Variants in NRXN1 observed in about 807,000 individuals in gnomAD.
The protein encoded by NRXN1 is neurexin-1.
In NRXN1, 39 loss-of-function variants were observed where a neutral mutation model predicts 150.9. The observed-to-expected ratio is 0.26, with a 90% CI of 0.20 to 0.34. NRXN1 has a LOEUF of 0.34. Among genes scored for constraint, NRXN1 ranks in the 10% least tolerant of loss-of-function variants. NRXN1 has a pLI of 1.00. For synonymous variants in NRXN1, 924 were observed against 757.0 expected (o/e 1.22, Z -3.62); for missense variants, 1,815 against 1,949.9 (o/e 0.93, Z 1.30).
chr2:50,042,693 C>A (rs1217344326), intron 21 of NRXN1, among the ~76,000 whole-genome samples: 1 of 316 alleles, frequency 3.2e-3, no homozygotes, highest in Non-Finnish European at 6.7e-3. Flanking sequence ...AGCATACACA[C>A]ATTAAGACAA....
intron 5 of NRXN1, among the ~76,000 whole-genome samples, chr2:50,750,550 C>T (rs891532845): frequency 6.6e-6 from 1 of 151,860 alleles, no homozygotes; most frequent in African/African-American, 2.4e-5. Context: ...ATGTAACAAA[C>T]CTGCATGTTG....
chr2:50,025,879 C>A (rs1437197077), intron 21 of NRXN1, among the ~76,000 whole-genome samples: 2 of 152,278 alleles, frequency 1.3e-5, no homozygotes, highest in African/African-American at 2.4e-5. Flanking sequence ...AGTCTTACTC[C>A]CCAATTAATT....
intron 17 of NRXN1, among the ~76,000 whole-genome samples, chr2:50,265,473 G>C (rs1333678688): frequency 6.6e-6 from 1 of 152,114 alleles, no homozygotes; most frequent in African/African-American, 2.4e-5. Context: ...TCCAACAAAA[G>C]TGCTACTGTG....
intron 12 of NRXN1, among the ~76,000 whole-genome samples, chr2:50,527,264 T>G (rs1245805708): frequency 6.6e-6 from 1 of 152,118 alleles, no homozygotes; most frequent in African/African-American, 2.4e-5. Context: ...ATTTTGTGAG[T>G]TGCCACTTTG....
intron 17 of NRXN1, among the ~76,000 whole-genome samples, chr2:50,242,125 C>A (rs2066055815): frequency 6.6e-6 from 1 of 151,728 alleles, no homozygotes; most frequent in African/African-American, 2.4e-5. Context: ...AGGAATATAA[C>A]ACTTCCTTCA....
chr2:50,219,993 A>ATAAT (rs1236547585), intron 18 of NRXN1, among the ~76,000 whole-genome samples: 15 of 34,158 alleles, frequency 4.4e-4, no homozygotes, highest in Admixed American at 1.1e-3. Flanking sequence ...TATTATATAT[A>ATAAT]ATATATATTA....
At chr2:50,436,503 T>G (rs1056087702) in intron 17 of NRXN1, among the ~76,000 whole-genome samples, 1 of 152,208 alleles carries the variant, frequency 6.6e-6, no homozygotes, top group Admixed American at 6.5e-5. Flanking sequence ...ATTTACTGCT[T>G]TAAAAATGAT....
At chr2:50,701,629 A>T (rs1448273265) in intron 5 of NRXN1, among the ~76,000 whole-genome samples, 4 of 152,122 alleles carry the variant, frequency 2.6e-5, no homozygotes. Flanking sequence ...TCCCCATCAC[A>T]AGGGACTGAA....
chr2:50,320,747 T>C (rs1424429738), intron 17 of NRXN1, among the ~76,000 whole-genome samples: 2 of 152,032 alleles, frequency 1.3e-5, no homozygotes, highest in Non-Finnish European at 2.9e-5. Context: ...CCGTGAGGTA[T>C]GGAGGGGGCT....
chr2:50,705,769 C>T (rs1694345203), intron 5 of NRXN1, among the ~76,000 whole-genome samples: 3 of 152,236 alleles, frequency 2.0e-5, no homozygotes, highest in African/African-American at 4.8e-5. Context: ...CCAGAGACAC[C>T]GCTGATGAGC....
At position 50,379,173 on chromosome 2, in the gene NRXN1, T is replaced by C. The variant is rs571684901; in HGVS notation, c.3364+86269A>G. ...AAAGGCATTATTCAGAGGAAGAAGATAAAAGAGATGAACAGAGACTGGACT... is the reference window on the plus strand; with the variant it reads ...AAAGGCATTATTCAGAGGAAGAAGACAAAAGAGATGAACAGAGACTGGACT... On this transcript the variant is annotated intron_variant, in intron 17 of 22. Transcript: ENST00000401669. 9.2e-5 allele frequency among the ~76,000 whole-genome samples: 14 copies of C among 152,044 alleles called. No homozygotes were observed. In the East Asian group the frequency reaches 2.7e-3, roughly 29 times the overall value.
chr2:50,831,097 C>A (rs534019535), intron 5 of NRXN1, among the ~76,000 whole-genome samples: 2 of 152,196 alleles, frequency 1.3e-5, no homozygotes, highest in East Asian at 3.9e-4. Flanking sequence ...TACAAACAAT[C>A]CAATTATACT....
At chr2:50,611,350 G>C (rs1287201351) in intron 8 of NRXN1, among the ~76,000 whole-genome samples, 1 of 152,056 alleles carries the variant, frequency 6.6e-6, no homozygotes, top group Non-Finnish European at 1.5e-5. Context: ...CAGGCTATGG[G>C]GCATCTGCTG....
At chr2:50,407,290 AC>A (rs1301402038) in intron 17 of NRXN1, among the ~76,000 whole-genome samples, 2 of 152,046 alleles carry the variant, frequency 1.3e-5, no homozygotes, top group Non-Finnish European at 2.9e-5. Flanking sequence ...TTTATAAACT[AC>A]CCTTCTTTGG....
chr2:50,237,821 G>A (rs2152880876), intron 17 of NRXN1, among the ~76,000 whole-genome samples: 1 of 152,072 alleles, frequency 6.6e-6, no homozygotes, highest in South Asian at 2.1e-4. Context: ...CATCTGAAAT[G>A]GTAAACCCCA....
chr2:50,472,498 C>T, intron 15 of NRXN1, 27 bp from the exon 16 acceptor site: 1 of 1,588,708 alleles, frequency 6.3e-7, no homozygotes, highest in Non-Finnish European at 8.6e-7. Flanking sequence ...GTCTTTGTTA[C>T]AAAAGTACCA....
intron 17 of NRXN1, among the ~76,000 whole-genome samples, chr2:50,424,160 G>A (rs1456076314): frequency 4.9e-5 from 4 of 81,578 alleles, no homozygotes; most frequent in Non-Finnish European, 7.1e-5. Context: ...AGGAGGAAGG[G>A]GAGGAGGAGG....
At position 50,346,829 on chromosome 2, in the gene NRXN1, G is replaced by A; in HGVS notation, c.3365-109859C>T. 6.2e-7 allele frequency: 1 copy of A among 1,611,288 alleles called. No individual in the cohort carries two copies. The highest frequency in any genetic ancestry group is 8.5e-7 in the Non-Finnish European group (1 of 1,179,272). ...CACGCCACTCCTAGGAGGCCGCTGA[G>A]GGTGAGCGGGACTATCCAAAGCAGG... On this transcript the variant is annotated intron_variant, in intron 17 of 22. Transcript: ENST00000401669. This position sits in a 1 kb window ranked among gnomAD's most constrained non-coding sequence, Gnocchi z 5.0.
At chr2:50,645,366 T>A (rs1004551888) in intron 5 of NRXN1, among the ~76,000 whole-genome samples, 1 of 151,998 alleles carries the variant, frequency 6.6e-6, no homozygotes, top group East Asian at 1.9e-4. Flanking sequence ...AATACAAGAA[T>A]GTATATAAAT....
Sources: gnomAD v4.1 joint callset for allele counts (sites outside exome capture counted in the v4.1 genomes callset) on GRCh38, gnomAD v4.1.1 for gene constraint, Gnocchi (gnomAD v3.1) non-coding constraint, MANE v1.5 for transcripts, NCBI Gene and HGNC (gene_info 2026-07-23, HGNC 2026-07-21) for gene names.